The following SDF2 variants were observed in gnomAD, a reference collection of about 807,000 sequenced individuals.
SDF2 encodes stromal cell-derived factor 2.
In SDF2, 12 loss-of-function variants were observed where a neutral mutation model predicts 20.5. The ratio of observed to expected loss-of-function variants is 0.58; its 90% CI spans 0.37 to 0.95. The LOEUF is 0.95. Among genes scored for constraint, SDF2 ranks in the 40% least tolerant of loss-of-function variants. The probability of loss-of-function intolerance (pLI) is 0.01; values close to 1 mark genes in which losing one functional copy is unlikely to be tolerated. For synonymous variants in SDF2, 100 were observed against 101.0 expected (o/e 0.99, Z 0.06); for missense variants, 238 against 263.1 (o/e 0.90, Z 0.66).
At chr17:28,649,384 G>C in intron 2 of SDF2, 108 bp from the exon 3 acceptor site, 1 of 1,054,094 alleles carries the variant, frequency 9.5e-7, no homozygotes, top group Non-Finnish European at 1.4e-6. Context: ...AAAATCAGAG[G>C]GGCCAGGCTT....
intron 2 of SDF2, among the ~76,000 whole-genome samples, chr17:28,652,494 G>T (rs1212469553): frequency 6.6e-6 from 1 of 152,118 alleles, no homozygotes; most frequent in Admixed American, 6.6e-5. Flanking sequence ...TACTTTAGTA[G>T]ATACGGGGTT....
chr17:28,649,100 C>A lies in SDF2; in HGVS notation c.525G>T (p.Glu175Asp), dbSNP rs755579239. The A allele has an allele frequency of 6.2e-7, 1 of 1,614,224 alleles. No individual in the cohort carries two copies. Among genetic ancestry groups the A allele is most frequent in the South Asian group, 1.1e-5 (1 of 91,076 alleles). The part of the protein sequence containing the change: ...QYGRPISGQK[E>D]VHGMAQPSQN... ...GACTTGGCTGGGCCATGCCATGCAC[C>A]TCTTTTTGCCCACTGATAGGTCGAC... The change falls in exon 3 of 3, where the codon GAG (glutamate) becomes GAT (aspartate). Residue 175 changes from glutamate (E) to aspartate (D), a missense_variant. Transcript: ENST00000247020.
At chr17:28,661,062 A>G (rs2151586969) in intron 1 of SDF2, 1 of 401,502 alleles carries the variant, frequency 2.5e-6, no homozygotes, top group African/African-American at 2.2e-5. Context: ...ATTTATTACT[A>G]AACATTTTAA....
At chr17:28,650,556 C>T (rs1206230471) in intron 2 of SDF2, among the ~76,000 whole-genome samples, 1 of 151,004 alleles carries the variant, frequency 6.6e-6, no homozygotes, top group East Asian at 2.0e-4. Flanking sequence ...GAGGGCGAGG[C>T]GGGCAGATCG....
chr17:28,652,894 A>G (rs192037747), intron 2 of SDF2, among the ~76,000 whole-genome samples: 39 of 152,360 alleles, frequency 2.6e-4, no homozygotes, highest in African/African-American at 9.4e-4. Flanking sequence ...AGAATTCCCA[A>G]TGGCCAAAGT....
chr17:28,661,192 C>T (rs142224238), intron 1 of SDF2: 308 of 452,584 alleles, frequency 6.8e-4, no homozygotes, highest in African/African-American at 5.7e-3. Flanking sequence ...AAGATGGAAA[C>T]TGAGGAGCAA....
chr17:28,656,716 G>C (rs1202939258), intron 1 of SDF2, among the ~76,000 whole-genome samples: 2 of 152,210 alleles, frequency 1.3e-5, no homozygotes, highest in Non-Finnish European at 2.9e-5. Flanking sequence ...ACAAATCTAT[G>C]TGAGTTTTTT....
At chr17:28,650,761 C>T (rs1406647873) in intron 2 of SDF2, among the ~76,000 whole-genome samples, 3 of 144,870 alleles carry the variant, frequency 2.1e-5, no homozygotes, top group African/African-American at 7.8e-5. Context: ...CGAGATTGCA[C>T]CACTGGACTC....
chr17:28,661,070 T>A (rs2072030778), intron 1 of SDF2: 2 of 397,848 alleles, frequency 5.0e-6, no homozygotes, highest in Non-Finnish European at 9.5e-6. Context: ...CTAAACATTT[T>A]AATTTCAAAC....
intron 2 of SDF2, chr17:28,651,575 CA>C: frequency 6.6e-6 from 1 of 152,290 alleles, no homozygotes; most frequent in African/African-American, 2.4e-5. Context: ...CCTTACAGAG[CA>C]ACTGTGAGAA....
intron 2 of SDF2, among the ~76,000 whole-genome samples, chr17:28,652,319 ATTTT>A (rs200427854): frequency 6.6e-6 from 1 of 151,424 alleles, no homozygotes; most frequent in South Asian, 2.1e-4. Context: ...TATTTTTTTA[ATTTT>A]TTTTTGAGAC....
At chr17:28,660,371 C>T (rs1342639377) in intron 1 of SDF2, 3 of 152,278 alleles carry the variant, frequency 2.0e-5, no homozygotes, top group African/African-American at 7.2e-5. Flanking sequence ...GATAGAGAAT[C>T]ACAGTTCATT....
intron 1 of SDF2, among the ~76,000 whole-genome samples, chr17:28,656,716 G>T (rs1202939258): frequency 6.6e-6 from 1 of 152,210 alleles, no homozygotes; most frequent in Non-Finnish European, 1.5e-5. Flanking sequence ...ACAAATCTAT[G>T]TGAGTTTTTT....
At chr17:28,656,114 T>C (rs1162039125) in intron 1 of SDF2, 2 of 152,108 alleles carry the variant, frequency 1.3e-5, no homozygotes, top group African/African-American at 2.4e-5. Flanking sequence ...AAAAATGCTA[T>C]GCTTGGCAAT....
At chr17:28,661,039 G>T in intron 1 of SDF2, 1 of 356,886 alleles carries the variant, frequency 2.8e-6, no homozygotes. Flanking sequence ...TATGCTGAAT[G>T]AATCCACAAA....
intron 1 of SDF2, chr17:28,656,027 A>T: frequency 6.5e-6 from 1 of 153,652 alleles, no homozygotes; most frequent in Admixed American, 6.5e-5. Flanking sequence ...AAAAACAGCA[A>T]GTGAGCTCAG....
At chr17:28,661,600 A>G (rs2072044684) in intron 1 of SDF2, 126 bp downstream of exon 1, 1 of 978,612 alleles carries the variant, frequency 1.0e-6, no homozygotes, top group African/African-American at 1.6e-5. Flanking sequence ...GACTCTCTAG[A>G]CCTGAGGAAC....
At chr17:28,656,524 G>C (rs1490245111) in intron 1 of SDF2, among the ~76,000 whole-genome samples, 1 of 152,032 alleles carries the variant, frequency 6.6e-6, no homozygotes, top group Non-Finnish European at 1.5e-5. Context: ...GGAGGTGGAG[G>C]TTGCAATGAG....
rs758583487 is a variant in SDF2, at chr17:28,648,938, AACAG to A, written c.*47_*50del. ...GGCAGGGATCCCAAGGTGAGGCAGC[AACAG>A]ATGTCTGTGAACATTGTGCGTTAAC... On this transcript the variant is annotated 3_prime_UTR_variant, in exon 3 of 3. Coordinates refer to ENST00000247020, the MANE Select transcript of SDF2 (RefSeq NM_006923.4). 1.5e-5 allele frequency: 24 copies of A among 1,583,236 alleles called. 1 individual carries two copies. In the South Asian group the frequency reaches 2.5e-4, roughly 16 times the overall value.
Sources: allele counts gnomAD v4.1 joint callset (sites outside exome capture counted in the v4.1 genomes callset), GRCh38; gene constraint gnomAD v4.1.1; transcripts MANE v1.5; gene names NCBI Gene and HGNC (gene_info 2026-07-23, HGNC 2026-07-21).